Variants in GDAP2 observed in about 807,000 individuals in gnomAD.
GDAP2 encodes ganglioside-induced differentiation-associated protein 2.
Under a neutral mutation model 67.0 loss-of-function variants are expected in GDAP2, and 51 were observed. That is an observed-to-expected ratio of 0.76 (90% CI 0.61 to 0.96). GDAP2 has a LOEUF of 0.96. Among genes scored for constraint, GDAP2 ranks in the 40% least tolerant of loss-of-function variants. The probability of loss-of-function intolerance (pLI) is 0.00; values close to 1 mark genes in which losing one functional copy is unlikely to be tolerated. For missense variants in GDAP2, 547 were observed against 588.3 expected (o/e 0.93, Z 0.73); for synonymous variants, 203 against 207.3 (o/e 0.98, Z 0.18).
In GDAP2 at chr1:117,870,266, T is replaced by A. The variant is rs545291187; in HGVS notation, c.*303A>T. On this transcript the variant is annotated 3_prime_UTR_variant, in exon 14 of 14. Transcript: ENST00000369443. ...TCTTGGTGGTTTATCTAATGGAGAATTCGGTGTCCTTCAGGAAACTAAAGA... is the reference window on the plus strand; with the variant it reads ...TCTTGGTGGTTTATCTAATGGAGAAATCGGTGTCCTTCAGGAAACTAAAGA... The A allele has an allele frequency of 1.3e-5, 5 of 388,184 alleles. No individual in the cohort carries two copies. The East Asian group carries it at 2.8e-4, about 22-fold the overall frequency. The allele number at this position is 388,184 out of a possible 1,614,324, so 24.0% of individuals were successfully genotyped here.
At chr1:117,873,789 G>T (rs1648369587) in intron 13 of GDAP2, among the ~76,000 whole-genome samples, 1 of 152,022 alleles carries the variant, frequency 6.6e-6, no homozygotes, top group Non-Finnish European at 1.5e-5. Flanking sequence ...ATCCTTAGTG[G>T]CTACTCAGTC....
chr1:117,905,356 T>C (rs1649621091), intron 6 of GDAP2, among the ~76,000 whole-genome samples: 1 of 152,246 alleles, frequency 6.6e-6, no homozygotes, highest in Admixed American at 6.5e-5. Flanking sequence ...TCACATTTTA[T>C]GCAACAGCAA....
At chr1:117,916,926 C>T (rs1439713693) in intron 3 of GDAP2, among the ~76,000 whole-genome samples, 5 of 151,502 alleles carry the variant, frequency 3.3e-5, no homozygotes, top group African/African-American at 7.3e-5. Flanking sequence ...CCCAGCTACT[C>T]GGGAAGCTGA....
At chr1:117,909,990 C>T (rs1331783566) in intron 5 of GDAP2, among the ~76,000 whole-genome samples, 1 of 152,128 alleles carries the variant, frequency 6.6e-6, no homozygotes, top group Admixed American at 6.5e-5. Context: ...GATGATATGA[C>T]AAGGACTAAG....
At chr1:117,911,423 C>T (rs1478743661) in intron 5 of GDAP2, among the ~76,000 whole-genome samples, 1 of 152,190 alleles carries the variant, frequency 6.6e-6, no homozygotes, top group Non-Finnish European at 1.5e-5. Flanking sequence ...TTGTTACAGA[C>T]TGTTAAGATT....
Position 117,920,259 on chromosome 1 carries a change from T to C in GDAP2, c.99A>G (p.Thr33=), listed in dbSNP as rs536017902. 1.0e-5 allele frequency: 16 copies of C among 1,606,614 alleles called. No individual in the cohort carries two copies. The Admixed American group carries it at 2.0e-4, about 20-fold the overall frequency. The change falls in exon 2 of 14, where the codon ACA becomes ACG. Residue 33 remains threonine, a synonymous_variant. Coordinates refer to ENST00000369443, the MANE Select transcript of GDAP2 (RefSeq NM_017686.4). ...CAGTGTCTTCCTGAAATATTTCAGC[T>C]GTAGTATCAGAGGAATTTAATTCAT... The part of the protein sequence containing the change: ...CQDELNSSDT[T]AEIFQEDTVR...
intron 1 of GDAP2, among the ~76,000 whole-genome samples, chr1:117,928,237 G>T (rs1282844095): frequency 6.6e-6 from 1 of 152,134 alleles, no homozygotes; most frequent in East Asian, 1.9e-4. Context: ...TGTGCAAAAG[G>T]AGGCAAAACT....
chr1:117,919,510 GT>G (rs1650167941), intron 2 of GDAP2, among the ~76,000 whole-genome samples: 1 of 152,086 alleles, frequency 6.6e-6, no homozygotes, highest in Non-Finnish European at 1.5e-5. Flanking sequence ...TGGCAAATCT[GT>G]AGAGACAAGA....
At chr1:117,902,127 G>A (rs1472317454) in intron 6 of GDAP2, among the ~76,000 whole-genome samples, 2 of 152,136 alleles carry the variant, frequency 1.3e-5, no homozygotes, top group East Asian at 1.9e-4. Context: ...TTTTCTAGCA[G>A]AACTATGCAA....
intron 8 of GDAP2, among the ~76,000 whole-genome samples, chr1:117,891,363 T>A (rs1197948445): frequency 3.3e-5 from 5 of 151,858 alleles, no homozygotes; most frequent in Non-Finnish European, 1.5e-5. Flanking sequence ...AAACCTCTTT[T>A]CCAAAGCATT....
intron 11 of GDAP2, 136 bp downstream of exon 11, chr1:117,883,352 G>A (rs1286715724): frequency 1.6e-6 from 1 of 607,144 alleles, no homozygotes; most frequent in African/African-American, 1.9e-5. Flanking sequence ...TATGATTGAA[G>A]TATCTAATCT....
intron 7 of GDAP2, 143 bp downstream of exon 7, chr1:117,898,914 A>G: frequency 1.5e-6 from 1 of 665,998 alleles, no homozygotes; most frequent in Non-Finnish European, 2.7e-6. Context: ...ATAGAACTTG[A>G]AAACTTCTAA....
chr1:117,876,260 C>T (rs1041401820), intron 13 of GDAP2, among the ~76,000 whole-genome samples: 9 of 152,042 alleles, frequency 5.9e-5, no homozygotes, highest in Non-Finnish European at 1.2e-4. Context: ...TTAAAAAGAG[C>T]CTGGCACCTC....
At chr1:117,888,750 T>C (rs1337501729) in intron 8 of GDAP2, among the ~76,000 whole-genome samples, 1 of 152,150 alleles carries the variant, frequency 6.6e-6, no homozygotes, top group African/African-American at 2.4e-5. Flanking sequence ...AGATTTGGCT[T>C]CTAATCCTAC....
At chr1:117,893,145 T>C (rs894867141) in intron 8 of GDAP2, among the ~76,000 whole-genome samples, 1 of 152,148 alleles carries the variant, frequency 6.6e-6, no homozygotes, top group Non-Finnish European at 1.5e-5. Flanking sequence ...AATGATTTTG[T>C]TGAGAAAAAT....
At chr1:117,921,448 T>C (rs1199254238) in intron 1 of GDAP2, among the ~76,000 whole-genome samples, 1 of 152,074 alleles carries the variant, frequency 6.6e-6, no homozygotes, top group Non-Finnish European at 1.5e-5. Context: ...AACATCTCAG[T>C]AGAAAGATAC....
In GDAP2 at chr1:117,927,366, C is replaced by CA. The variant is rs748422668; in HGVS notation, c.-68+2081dup. The stretch of plus-strand genomic sequence containing the variant: ...GGCATAATACCTTGGATCACCATCT[C>CA]AAAAAAAACTTTTTTTCTGGATAGA... On this transcript the variant is annotated intron_variant, in intron 1 of 13. Transcript: ENST00000369443. Among the ~76,000 whole-genome samples, 62 of 151,576 alleles carry CA rather than the reference C, an allele frequency of 4.1e-4. No individual in the cohort carries two copies. The East Asian group carries it at 0.01, about 25-fold the overall frequency.
chr1:117,926,354 C>T (rs1650446004), intron 1 of GDAP2, among the ~76,000 whole-genome samples: 1 of 152,212 alleles, frequency 6.6e-6, no homozygotes, highest in African/African-American at 2.4e-5. Context: ...TCTCCTATAT[C>T]CCTGATCATA....
intron 1 of GDAP2, among the ~76,000 whole-genome samples, chr1:117,926,588 T>G (rs1389655582): frequency 6.6e-6 from 1 of 152,148 alleles, no homozygotes; most frequent in Non-Finnish European, 1.5e-5. Context: ...GGTTTGAATC[T>G]CTCCTTCCCC....
Sources: allele counts gnomAD v4.1 joint callset (sites outside exome capture counted in the v4.1 genomes callset), GRCh38; gene constraint gnomAD v4.1.1; transcripts MANE v1.5; gene names NCBI Gene and HGNC (gene_info 2026-07-23, HGNC 2026-07-21).